The following GSG1 variants were observed in gnomAD, a reference collection of about 807,000 sequenced individuals.
GSG1 encodes germ cell associated 1.
A neutral mutation model predicts 30.8 loss-of-function variants in GSG1; 28 were observed. That is an observed-to-expected ratio of 0.91 (90% CI 0.67 to 1.25). The LOEUF is 1.25. Among genes scored for constraint, GSG1 ranks in the 50% most tolerant of loss-of-function variants. GSG1 has a pLI of 0.00. For missense variants in GSG1, 435 were observed against 444.7 expected (o/e 0.98, Z 0.20); for synonymous variants, 162 against 178.0 (o/e 0.91, Z 0.71).
rs1372141488 is a variant in GSG1 at position 13,093,660 on chromosome 12, G to C, written c.49-2842C>G. On this transcript the variant is annotated intron_variant, in intron 1 of 6. Transcript: ENST00000651961. The surrounding 1 kb of genome is among the most constrained non-coding windows in gnomAD (Gnocchi z 4.6). ...CAGGTTTGGTGTCCACAGAGCCATG[G>C]GTAGGGTGTCGGCAGCCAAGCCCTT... Among the ~76,000 whole-genome samples, 5 of 152,154 alleles carry C rather than the reference G, an allele frequency of 3.3e-5. No homozygotes were observed. The highest frequency in any genetic ancestry group is 4.8e-5 in the African/African-American group (2 of 41,426).
intron 2 of GSG1, among the ~76,000 whole-genome samples, chr12:13,090,191 G>A (rs979205479): frequency 2.6e-5 from 4 of 152,200 alleles, no homozygotes; most frequent in African/African-American, 9.6e-5. Flanking sequence ...AATGTGAAAG[G>A]TCTAAATGAA....
Position 13,083,822 on chromosome 12 carries a change from A to G in GSG1, c.*1079T>C, listed in dbSNP as rs988297851. ...TCCTTGCGATAGTTTGCTCAGAATG[A>G]TGGTTTCCAGCTTCATCCATGTCCC... On this transcript the variant is annotated 3_prime_UTR_variant, in exon 7 of 7. Coordinates refer to ENST00000651961, the MANE Select transcript of GSG1 (RefSeq NM_001080555.4). The G allele has an allele frequency of 6.6e-6, 1 of 151,686 alleles. No individual in the cohort carries two copies. The highest frequency in any genetic ancestry group is 2.1e-4 in the South Asian group (1 of 4,794). 9.4% of individuals were successfully genotyped at this position (151,686 alleles called of 1,614,324 possible).
intron 5 of GSG1, among the ~76,000 whole-genome samples, 199 bp from the exon 6 acceptor site, chr12:13,087,462 C>T (rs1865656345): frequency 6.6e-6 from 1 of 152,108 alleles, no homozygotes; most frequent in Non-Finnish European, 1.5e-5. Flanking sequence ...AATAGGTGAC[C>T]CCAGACTGTA....
Position 13,099,756 on chromosome 12 carries a change from T to TG in GSG1, c.48+3708_48+3709insC, listed in dbSNP as rs1565551195. Among the ~76,000 whole-genome samples the TG allele has an allele frequency of 1.8e-4, 25 of 141,602 alleles. No individual in the cohort carries two copies. In the South Asian group the frequency reaches 3.1e-3, roughly 17 times the overall value. The allele number at this position is 141,602 out of a possible 152,430, so 92.9% of individuals were successfully genotyped here. On this transcript the variant is annotated intron_variant, in intron 1 of 6. Transcript: ENST00000651961. Reference sequence around the variant, plus strand: ...GGATCCGGTGTTTTTTTTTGTTTTTTTTTTTTTTTTTTGTTTTTTCTTCAT... The same window carrying TG: ...GGATCCGGTGTTTTTTTTTGTTTTTTGTTTTTTTTTTTTGTTTTTTCTTCAT...
intron 1 of GSG1, among the ~76,000 whole-genome samples, chr12:13,092,362 C>T (rs1866234720): frequency 6.6e-6 from 1 of 152,108 alleles, no homozygotes; most frequent in African/African-American, 2.4e-5. Context: ...GTTCTTGGAC[C>T]AGCAGATTGA....
At chr12:13,086,453 TAGAC>T (rs1865533482) in intron 6 of GSG1, among the ~76,000 whole-genome samples, 2 of 152,232 alleles carry the variant, frequency 1.3e-5, no homozygotes, top group South Asian at 4.1e-4. Context: ...ACTTAGCACT[TAGAC>T]AGTAAATATC....
intron 1 of GSG1, among the ~76,000 whole-genome samples, chr12:13,096,883 T>G (rs1866704047): frequency 6.6e-6 from 1 of 151,864 alleles, no homozygotes; most frequent in Admixed American, 6.6e-5. Flanking sequence ...AGGTCAGGAG[T>G]TCGAGACCAG....
In GSG1 at chr12:13,087,965, C is replaced by A. The variant is rs1865700080; in HGVS notation, c.576G>T (p.Gly192=). 1.2e-6 allele frequency: 2 copies of A among 1,614,088 alleles called. No individual in the cohort carries two copies. The highest frequency in any genetic ancestry group is 1.7e-6 in the Non-Finnish European group (2 of 1,180,036). ...TCAGTTTGAGCCCACAGGCAGGGTT[C>A]CCAGTGAGTAGCAAGTCTGTTAGTA... is the stretch of plus-strand genomic sequence containing the variant. ...LLLLTDLLLT[G]NPACGLKLSA... is the part of the protein sequence containing the mutation. The change falls in exon 5 of 7, where the codon GGG becomes GGT. Residue 192 remains glycine, a synonymous_variant. Transcript: ENST00000651961.
Position 13,088,029 on chromosome 12 carries a change from A to T in GSG1, c.512T>A (p.Ile171Asn), listed in dbSNP as rs1166892658. 3.7e-6 allele frequency: 6 copies of T among 1,614,262 alleles called. No individual in the cohort carries two copies. The South Asian group carries it at 4.4e-5, about 12-fold the overall frequency. The change falls in exon 5 of 7, where the codon ATC becomes AAC. Residue 171 changes from isoleucine to asparagine, a missense_variant. By Grantham distance (149) the Ile-to-Asn change is moderately radical. Transcript: ENST00000651961. Reference protein sequence around the residue: ...EILWLSLGTQITYIGLQFISF... With the variant: ...EILWLSLGTQNTYIGLQFISF... ...GATGAATTGAAGTCCGATGTAGGTG[A>T]TCTGCGTTCCCAGGGATAACCATAG...
At chr12:13,089,958 A>G (rs967823891) in intron 2 of GSG1, among the ~76,000 whole-genome samples, 3 of 152,218 alleles carry the variant, frequency 2.0e-5, no homozygotes, top group Admixed American at 1.3e-4. Context: ...CTGAGGCAAT[A>G]GAATCGCTTG....
intron 1 of GSG1, among the ~76,000 whole-genome samples, chr12:13,100,861 G>A (rs570320807): frequency 6.6e-6 from 1 of 152,140 alleles, no homozygotes; most frequent in African/African-American, 2.4e-5. Context: ...ACCTCAAATG[G>A]TCGCACAATC....
chr12:13,090,026 G>A (rs940018327), intron 2 of GSG1, among the ~76,000 whole-genome samples: 3 of 152,164 alleles, frequency 2.0e-5, no homozygotes, highest in Non-Finnish European at 4.4e-5. Context: ...TCCAGCCTGG[G>A]CAACAAGAGC....
chr12:13,097,105 C>A (rs185608329), intron 1 of GSG1, among the ~76,000 whole-genome samples: 103 of 152,046 alleles, frequency 6.8e-4, no homozygotes, highest in African/African-American at 2.4e-3. Flanking sequence ...AAAAAAAGTG[C>A]AAATTAATTG....
intron 3 of GSG1, 40 bp downstream of exon 3, chr12:13,089,168 C>G (rs745798976): frequency 1.3e-6 from 2 of 1,542,168 alleles, no homozygotes; most frequent in East Asian, 4.9e-5. Flanking sequence ...TCCCATTTCC[C>G]GTGTCCAGAA....
chr12:13,087,120 GC>G, intron 6 of GSG1, 31 bp downstream of exon 6: 1 of 1,455,122 alleles, frequency 6.9e-7, no homozygotes, highest in South Asian at 1.1e-5. Context: ...GTTGGCTGGG[GC>G]TACAAAGGTT....
At chr12:13,090,449 A>G (rs1420079625) in intron 2 of GSG1, 54 bp downstream of exon 2, 1 of 1,518,224 alleles carries the variant, frequency 6.6e-7, no homozygotes, top group Non-Finnish European at 9.0e-7. Flanking sequence ...TGCCTGCATT[A>G]GATCCCTTGC....
rs2120752662 is a variant in GSG1, at chr12:13,090,794, C to T, written c.73G>A (p.Gly25Ser). Residue 25 changes from glycine to serine, a missense_variant, in exon 2 of 7, where the codon GGC becomes AGC. Transcript: ENST00000651961. Reference sequence around the variant, plus strand: ...ATGGCAGATAGGAGTGTCCGCTGGCCAGAGAAGGCCTTCGAGAGCTCCATC... The same window carrying T: ...ATGGCAGATAGGAGTGTCCGCTGGCTAGAGAAGGCCTTCGAGAGCTCCATC... ...QEMELSKAFS[G>S]QRTLLSAILS... The T allele has an allele frequency of 6.2e-7, 1 of 1,612,882 alleles. No homozygotes were observed. Among genetic ancestry groups the T allele is most frequent in the Non-Finnish European group, 8.5e-7 (1 of 1,179,210 alleles).
intron 3 of GSG1, 88 bp from the exon 4 acceptor site, chr12:13,088,997 C>T (rs1865829141): frequency 6.7e-7 from 1 of 1,501,864 alleles, no homozygotes; most frequent in Non-Finnish European, 9.2e-7. Flanking sequence ...GGTACTGCTC[C>T]CTCTGCTCTG....
chr12:13,087,783 C>T, intron 5 of GSG1, 124 bp downstream of exon 5: 1 of 885,062 alleles, frequency 1.1e-6, no homozygotes, highest in Non-Finnish European at 1.7e-6. Flanking sequence ...ATTAAAGATG[C>T]CTACCTCCAT....
Sources: gnomAD v4.1 joint callset for allele counts (sites outside exome capture counted in the v4.1 genomes callset) on GRCh38, gnomAD v4.1.1 for gene constraint, Gnocchi (gnomAD v3.1) non-coding constraint, MANE v1.5 for transcripts, NCBI Gene and HGNC (gene_info 2026-07-23, HGNC 2026-07-21) for gene names.